Variants in DAB1 observed in about 807,000 individuals in gnomAD.
DAB1 encodes the protein DAB adaptor protein 1, also known as disabled homolog 1.
A neutral mutation model predicts 64.6 loss-of-function variants in DAB1; 15 were observed. The observed-to-expected ratio is 0.23, with a 90% CI of 0.16 to 0.36. DAB1 has a LOEUF of 0.36. Ranked by LOEUF, DAB1 falls within the 10% of genes least tolerant of loss-of-function variation. The pLI is 1.00. For synonymous variants in DAB1, 235 were observed against 251.9 expected (o/e 0.93, Z 0.64); for missense variants, 596 against 706.7 (o/e 0.84, Z 1.78).
At chr1:57,940,998 G>A (rs1482947926) in intron 5 of DAB1, among the ~76,000 whole-genome samples, 3 of 152,230 alleles carry the variant, frequency 2.0e-5, no homozygotes, top group Non-Finnish European at 4.4e-5. Context: ...GAGCAATGCA[G>A]TGAGCATCTG....
At position 58,265,453 on chromosome 1, in the gene DAB1, C is replaced by T. The variant is rs562146184; in HGVS notation, n.309+77899G>A. 5.9e-5 allele frequency among the ~76,000 whole-genome samples: 9 copies of T among 152,324 alleles called. No homozygotes were observed. The East Asian group carries it at 1.7e-3, about 29-fold the overall frequency. On this transcript the variant is annotated intron_variant and non_coding_transcript_variant, in intron 4 of 20. Transcript: ENST00000485760. ...TTCCCTTTCTTCTAGAAGGAGTAAG[C>T]TTGCAATTGGTTTTAATTCCCACTT... is the stretch of plus-strand genomic sequence containing the variant.
intron 6 of DAB1, among the ~76,000 whole-genome samples, chr1:57,758,934 C>T (rs11583280): frequency 0.15 from 23,062 of 152,142 alleles, 2,021 homozygotes; most frequent in East Asian, 0.25. Context: ...CTGTGAAATG[C>T]TTTCCATCCT....
At chr1:57,763,535 TG>T (rs2101820833) in intron 6 of DAB1, among the ~76,000 whole-genome samples, 1 of 152,160 alleles carries the variant, frequency 6.6e-6, no homozygotes, top group Admixed American at 6.5e-5. Context: ...AAAAATTAGC[TG>T]GGTGTGGTGG....
At position 57,382,897 on chromosome 1, in the gene DAB1, CA is replaced by C. The variant is rs141535837; in HGVS notation, c.-137+41032del. 6.7e-3 allele frequency among the ~76,000 whole-genome samples: 1,025 copies of C among 152,188 alleles called. 14 individuals carry two copies. Among genetic ancestry groups the C allele is most frequent in the African/African-American group, 0.023 (965 of 41,506 alleles). On this transcript the variant is annotated intron_variant, in intron 1 of 14. Transcript: ENST00000371236. The stretch of plus-strand genomic sequence containing the variant: ...TTTGGGGGCCAATTATTCTGTCTAC[CA>C]CAGGAATGCATTCTTTATGTTAGCA...
intron 4 of DAB1, among the ~76,000 whole-genome samples, chr1:58,239,665 C>A (rs1052679594): frequency 2.0e-5 from 3 of 152,120 alleles, no homozygotes; most frequent in African/African-American, 7.2e-5. Flanking sequence ...ACCTTCAGCT[C>A]GCTTATATTA....
At chr1:57,516,318 G>A (rs1031378242) in intron 7 of DAB1, among the ~76,000 whole-genome samples, 7 of 152,120 alleles carry the variant, frequency 4.6e-5, no homozygotes, top group African/African-American at 1.7e-4. Context: ...AGTCTCGAAA[G>A]GAGATGAGAC....
Position 57,829,785 on chromosome 1 carries a change from G to A in DAB1, n.88-3330C>T, listed in dbSNP as rs115804367. 9.2e-3 allele frequency among the ~76,000 whole-genome samples: 1,398 copies of A among 152,186 alleles called. 21 individuals are homozygous for A. Among genetic ancestry groups the A allele is most frequent in the African/African-American group, 0.033 (1,352 of 41,516 alleles). Reference sequence around the variant, plus strand: ...GTTCAGCAAGATTTCTTTAAAGTACGACTACAGCCCCAAATTGCTTTTTCT... The same window carrying A: ...GTTCAGCAAGATTTCTTTAAAGTACAACTACAGCCCCAAATTGCTTTTTCT... On this transcript the variant is annotated intron_variant and non_coding_transcript_variant, in intron 1 of 1. Transcript: ENST00000477280.
At chr1:58,427,154 G>A (rs1644829203) in intron 3 of DAB1, among the ~76,000 whole-genome samples, 1 of 152,036 alleles carries the variant, frequency 6.6e-6, no homozygotes, top group Non-Finnish European at 1.5e-5. Flanking sequence ...GCAGGCAGGG[G>A]TGTGGTTAGG....
At position 57,486,664 on chromosome 1, in the gene DAB1, C is replaced by T. The variant is rs1036035295; in HGVS notation, n.625+162928G>A. Among the ~76,000 whole-genome samples, 8 of 152,014 alleles carry T rather than the reference C, an allele frequency of 5.3e-5. No homozygotes were observed. In the South Asian group the frequency reaches 8.3e-4, roughly 16 times the overall value. ...TTTGCTTCCCATCTTACCCTCCCCC[C>T]GACTCTATCCTATTAAATGATGGTA... On this transcript the variant is annotated intron_variant and non_coding_transcript_variant, in intron 7 of 20. Coordinates refer to the DAB1 transcript ENST00000485760.
At chr1:57,066,150 T>C (rs1321667734) in intron 8 of DAB1, among the ~76,000 whole-genome samples, 1 of 152,166 alleles carries the variant, frequency 6.6e-6, no homozygotes, top group Non-Finnish European at 1.5e-5. Context: ...GATTGGATGG[T>C]TAACAGTAGT....
At chr1:57,570,086 G>T (rs1017888151) in intron 7 of DAB1, among the ~76,000 whole-genome samples, 5 of 152,140 alleles carry the variant, frequency 3.3e-5, no homozygotes, top group Admixed American at 2.6e-4. Flanking sequence ...ATCTGTGAGG[G>T]TGTTCCCATA....
intron 4 of DAB1, among the ~76,000 whole-genome samples, chr1:57,129,426 TA>T (rs1657451057): frequency 6.6e-6 from 1 of 152,098 alleles, no homozygotes; most frequent in African/African-American, 2.4e-5. Flanking sequence ...TATTTGACAT[TA>T]AAATAGATCT....
At chr1:57,516,602 T>C (rs1256641242) in intron 7 of DAB1, among the ~76,000 whole-genome samples, 1 of 152,232 alleles carries the variant, frequency 6.6e-6, no homozygotes. Context: ...CAGAAACTTC[T>C]AACGCCTGCC....
At chr1:58,292,841 C>T (rs1033988679) in intron 4 of DAB1, among the ~76,000 whole-genome samples, 1 of 152,106 alleles carries the variant, frequency 6.6e-6, no homozygotes. Flanking sequence ...TTAGACTTAA[C>T]AAGTATTCTG....
intron 5 of DAB1, among the ~76,000 whole-genome samples, chr1:58,003,246 G>A (rs1646533051): frequency 6.6e-6 from 1 of 152,122 alleles, no homozygotes; most frequent in Admixed American, 6.6e-5. Context: ...TTCTTTTTCA[G>A]GCTATTGAGT....
chr1:57,520,900 G>C (rs778742256), intron 7 of DAB1, among the ~76,000 whole-genome samples: 6 of 151,946 alleles, frequency 3.9e-5, no homozygotes, highest in Non-Finnish European at 5.9e-5. Context: ...AAAAAGAGAG[G>C]GAGCAGGACA....
At chr1:58,456,290 G>C (rs1193735514) in intron 3 of DAB1, among the ~76,000 whole-genome samples, 3 of 152,192 alleles carry the variant, frequency 2.0e-5, no homozygotes, top group Non-Finnish European at 4.4e-5. Flanking sequence ...AGATCACACA[G>C]CTCAGCTGGG....
At chr1:58,385,122 A>C (rs1644422343) in intron 3 of DAB1, among the ~76,000 whole-genome samples, 1 of 152,252 alleles carries the variant, frequency 6.6e-6, no homozygotes, top group South Asian at 2.1e-4. Flanking sequence ...AAAAACAAAG[A>C]GACATAAGAA....
intron 1 of DAB1, among the ~76,000 whole-genome samples, chr1:57,291,433 T>G (rs1672766133): frequency 1.3e-5 from 2 of 152,124 alleles, no homozygotes; most frequent in South Asian, 4.1e-4. Context: ...AACTCTGTTT[T>G]CTATGTTTCT....
Sources: allele counts gnomAD v4.1 joint callset (sites outside exome capture counted in the v4.1 genomes callset), GRCh38; gene constraint gnomAD v4.1.1; transcripts MANE v1.5; gene names NCBI Gene and HGNC (gene_info 2026-07-23, HGNC 2026-07-21).